Variants in NDE1 observed in about 807,000 individuals in gnomAD.
NDE1 encodes nudE neurodevelopment protein 1, also known as nuclear distribution protein nudE homolog 1.
A neutral mutation model predicts 43.4 loss-of-function variants in NDE1; 28 were observed. The observed-to-expected ratio is 0.65, with a 90% CI of 0.48 to 0.89. NDE1 has a LOEUF of 0.89. Ranked by LOEUF, NDE1 falls within the 40% of genes least tolerant of loss-of-function variation. NDE1 has a pLI of 0.00. For synonymous variants in NDE1, 184 were observed against 172.0 expected, an observed-to-expected ratio of 1.07 and a Z score of -0.55; for missense variants, 441 against 434.1, an observed-to-expected ratio of 1.02 and a Z score of -0.14.
intron 4 of NDE1, 197 bp from the exon 5 acceptor site, chr16:15,687,178 A>T (rs1194566228): frequency 6.7e-7 from 1 of 1,499,496 alleles, no homozygotes; most frequent in South Asian, 1.2e-5. Context: ...CCCATGAGCT[A>T]TGATGAGTCC....
chr16:15,688,489 A>T (rs2038552804), intron 5 of NDE1, among the ~76,000 whole-genome samples: 1 of 151,016 alleles, frequency 6.6e-6, no homozygotes, highest in Non-Finnish European at 1.5e-5. Flanking sequence ...AGAAAACATG[A>T]GGGTATGGTG....
intron 8 of NDE1, chr16:15,704,244 G>C: frequency 1.7e-6 from 2 of 1,143,486 alleles, no homozygotes; most frequent in Non-Finnish European, 2.5e-6. Flanking sequence ...TTTTTTTATG[G>C]CAGAAAACAC....
chr16:15,699,921 TA>T, intron 8 of NDE1: 4 of 1,249,498 alleles, frequency 3.2e-6, no homozygotes, highest in Non-Finnish European at 4.1e-6. Flanking sequence ...GTTTGAGAAA[TA>T]AGAGCAGTCA....
chr16:15,650,839 C>T (rs552762421), intron 1 of NDE1, among the ~76,000 whole-genome samples: 1 of 152,186 alleles, frequency 6.6e-6, no homozygotes, highest in Non-Finnish European at 1.5e-5. Context: ...CTCACACCCA[C>T]TGTCCCGCCC....
At chr16:15,721,246 C>T (rs2040461710) in intron 8 of NDE1, 7 of 941,866 alleles carry the variant, frequency 7.4e-6, no homozygotes, top group Admixed American at 2.0e-5. Flanking sequence ...TCAGACCCAT[C>T]CTCGACTGCC....
At chr16:15,699,993 G>A (rs1220208231) in intron 8 of NDE1, 13 of 1,190,710 alleles carry the variant, frequency 1.1e-5, no homozygotes, top group Non-Finnish European at 1.2e-5. Flanking sequence ...GTGCTCTGGG[G>A]TTTGTCCCTG....
At chr16:15,686,877 C>T in intron 4 of NDE1, 2 of 628,428 alleles carry the variant, frequency 3.2e-6, no homozygotes. Flanking sequence ...CTAGTAGAGA[C>T]AGGATTTTGC....
At chr16:15,656,834 C>A (rs890841637) in intron 1 of NDE1, among the ~76,000 whole-genome samples, 5 of 152,074 alleles carry the variant, frequency 3.3e-5, no homozygotes, top group African/African-American at 4.8e-5. Flanking sequence ...AGCCACAGCA[C>A]CCTGCCAGGC....
At chr16:15,718,088 C>A (rs112757995) in intron 8 of NDE1, 2 of 670,004 alleles carry the variant, frequency 3.0e-6, no homozygotes, top group Non-Finnish European at 2.5e-6. Flanking sequence ...CCAGCCACGC[C>A]GTGGCTGGAA....
At chr16:15,700,411 C>G (rs888007991) in intron 8 of NDE1, 1 of 150,730 alleles carries the variant, frequency 6.6e-6, no homozygotes, top group South Asian at 2.1e-4. Context: ...CATTGTGTTG[C>G]ACTAACCCAA....
At chr16:15,702,462 C>G (rs59750249) in intron 8 of NDE1, among the ~76,000 whole-genome samples, 17,114 of 152,086 alleles carry the variant, frequency 0.11, 1,214 homozygotes, top group East Asian at 0.26. Context: ...GTGATCATAG[C>G]TCACTGCAGC....
At chr16:15,660,153 T>C (rs1304573650) in intron 1 of NDE1, among the ~76,000 whole-genome samples, 1 of 151,650 alleles carries the variant, frequency 6.6e-6, no homozygotes, top group Non-Finnish European at 1.5e-5. Context: ...CAACAGGGAG[T>C]ATACAAACCG....
In NDE1 at chr16:15,664,610, C is replaced by A. The variant is rs537998517; in HGVS notation, c.-43-126C>A. 22 of 644,702 alleles carry A rather than the reference C, an allele frequency of 3.4e-5. No homozygotes were observed. The South Asian group carries it at 3.8e-4, about 11-fold the overall frequency. The allele number at this position is 644,702 out of a possible 1,614,324, so 39.9% of individuals were successfully genotyped here. A position where few individuals can be genotyped will look rare whatever the true frequency, so the allele number is the denominator to read the frequency against. The stretch of plus-strand genomic sequence containing the variant: ...GACCTCGTGATCCGCCCGCCTCAGC[C>A]TCCCAAAGTGCTGGGATTATAGGCG... On this transcript the variant is annotated intron_variant, in intron 1 of 8. Coordinates refer to ENST00000396354, the MANE Select transcript of NDE1 (RefSeq NM_017668.3).
chr16:15,721,679 C>A, intron 8 of NDE1: 5 of 1,599,024 alleles, frequency 3.1e-6, no homozygotes, highest in Non-Finnish European at 4.3e-6. Flanking sequence ...TATCCGGGGT[C>A]AGCGTCACTG....
intron 2 of NDE1, 94 bp from the exon 3 acceptor site, chr16:15,667,192 G>A: frequency 7.2e-7 from 1 of 1,395,828 alleles, no homozygotes; most frequent in South Asian, 1.2e-5. Context: ...GTTGCAGTGA[G>A]ACGAGATTGC....
chr16:15,657,139 C>A (rs2036810368), intron 1 of NDE1, among the ~76,000 whole-genome samples: 1 of 151,474 alleles, frequency 6.6e-6, no homozygotes, highest in Non-Finnish European at 1.5e-5. Context: ...CTCTTGTCGT[C>A]CAGGTTGGAG....
Position 15,697,504 on chromosome 16 carries a change from T to C in NDE1, c.947+644T>C, listed in dbSNP as rs187819736. ...CAGGTGGATCACTTGAGGTCAGGAG[T>C]TCAAAACCAGTCTGGGCAACATTGG... is the stretch of plus-strand genomic sequence containing the variant. On this transcript the variant is annotated intron_variant, in intron 8 of 8. Transcript: ENST00000396354. Among the ~76,000 whole-genome samples, 10 of 151,494 alleles carry C rather than the reference T, an allele frequency of 6.6e-5. No homozygotes were observed. In the East Asian group the frequency reaches 2.0e-3, roughly 30 times the overall value.
intron 4 of NDE1, chr16:15,687,050 G>A (rs2038472972): frequency 9.9e-6 from 12 of 1,206,930 alleles, no homozygotes; most frequent in Non-Finnish European, 1.3e-5. Context: ...AGAGAAGATG[G>A]AGCATAGTGG....
chr16:15,693,134 T>A (rs187007901), intron 6 of NDE1, among the ~76,000 whole-genome samples: 153 of 152,230 alleles, frequency 1.0e-3, no homozygotes, highest in African/African-American at 3.6e-3. Context: ...CCCGAGTAGC[T>A]GGGATTACAG....
Sources: allele counts gnomAD v4.1 joint callset (sites outside exome capture counted in the v4.1 genomes callset), GRCh38; gene constraint gnomAD v4.1.1; transcripts MANE v1.5; gene names NCBI Gene and HGNC (gene_info 2026-07-23, HGNC 2026-07-21).